EXOC6B: variants seen among roughly 807,000 people sequenced by gnomAD.
The protein encoded by EXOC6B is SEC15 homolog B.
A neutral mutation model predicts 113.5 loss-of-function variants in EXOC6B; 54 were observed. That is an observed-to-expected ratio of 0.48 (90% CI 0.38 to 0.60). The LOEUF (loss-of-function observed/expected upper bound fraction) is 0.60. Among genes scored for constraint, EXOC6B ranks in the 20% least tolerant of loss-of-function variants. The probability of loss-of-function intolerance (pLI) is 0.00; values close to 1 mark genes in which losing one functional copy is unlikely to be tolerated. For missense variants in EXOC6B, 797 were observed against 977.5 expected, an observed-to-expected ratio of 0.82 and a Z score of 2.46; for synonymous variants, 357 against 339.0, an observed-to-expected ratio of 1.05 and a Z score of -0.58.
chr2:72,681,113 A>G (rs1021744165), intron 6 of EXOC6B, among the ~76,000 whole-genome samples: 59 of 152,180 alleles, frequency 3.9e-4, no homozygotes, highest in Non-Finnish European at 6.9e-4. Flanking sequence ...TCTTTAATTT[A>G]ATATATAAAG....
At position 72,665,517 on chromosome 2, in the gene EXOC6B, T is replaced by C. The variant is rs149460539; in HGVS notation, c.669+52586A>G. ...AGCAGACCTCTCAGCAGAAACCTTA[T>C]AAGCCAAAAGAGATTGGAGGCCTAT... On this transcript the variant is annotated intron_variant, in intron 6 of 21. Coordinates refer to ENST00000272427, the MANE Select transcript of EXOC6B (RefSeq NM_015189.3). Among the ~76,000 whole-genome samples, 13 of 152,260 alleles carry C rather than the reference T, an allele frequency of 8.5e-5. No individual in the cohort carries two copies. In the East Asian group the frequency reaches 9.7e-4, roughly 11 times the overall value.
At chr2:72,521,644 T>C (rs747261071) in intron 8 of EXOC6B, among the ~76,000 whole-genome samples, 14 of 152,202 alleles carry the variant, frequency 9.2e-5, no homozygotes, top group Admixed American at 2.6e-4. Context: ...TTTATGCATC[T>C]AAAGTATTTT....
At chr2:72,680,363 A>G (rs777530774) in intron 6 of EXOC6B, among the ~76,000 whole-genome samples, 4 of 152,228 alleles carry the variant, frequency 2.6e-5, no homozygotes, top group Non-Finnish European at 5.9e-5. Context: ...CAATAAAAGT[A>G]TTAGCCCAAG....
chr2:72,429,902 G>A (rs1020087544), intron 18 of EXOC6B, among the ~76,000 whole-genome samples: 3 of 152,140 alleles, frequency 2.0e-5, no homozygotes, highest in Non-Finnish European at 2.9e-5. Context: ...CATTCTGTGG[G>A]CATTTAACAA....
chr2:72,206,078 T>A (rs947009026), intron 20 of EXOC6B, among the ~76,000 whole-genome samples: 9 of 152,138 alleles, frequency 5.9e-5, no homozygotes, highest in African/African-American at 2.2e-4. Flanking sequence ...GCAAGCCAGA[T>A]GGGCCAGGTA....
At chr2:72,213,632 G>A (rs560902102) in intron 20 of EXOC6B, among the ~76,000 whole-genome samples, 24 of 152,262 alleles carry the variant, frequency 1.6e-4, no homozygotes, top group Middle Eastern at 3.4e-3. Context: ...TGATCTAAAT[G>A]AGTGCATCTC....
chr2:72,302,486 A>G (rs1185496930), intron 20 of EXOC6B, among the ~76,000 whole-genome samples: 1 of 151,532 alleles, frequency 6.6e-6, no homozygotes, highest in East Asian at 1.9e-4. Flanking sequence ...TCTCTAAGAA[A>G]TTGCTTTATG....
At chr2:72,459,364 G>A (rs1388329443) in intron 18 of EXOC6B, among the ~76,000 whole-genome samples, 1 of 152,088 alleles carries the variant, frequency 6.6e-6, no homozygotes, top group Non-Finnish European at 1.5e-5. Context: ...GGGCAATTAG[G>A]CAGGAGAAGG....
At chr2:72,578,883 G>GT (rs1309738049) in intron 6 of EXOC6B, among the ~76,000 whole-genome samples, 2 of 152,008 alleles carry the variant, frequency 1.3e-5, no homozygotes, top group Non-Finnish European at 2.9e-5. Context: ...TAGAGTATAG[G>GT]TTATAAAGGA....
intron 6 of EXOC6B, among the ~76,000 whole-genome samples, chr2:72,631,428 A>G (rs10199592): frequency 0.5 from 22,625 of 44,906 alleles, 5,139 homozygotes; most frequent in African/African-American, 0.69. Context: ...GTGTGTGTGT[A>G]TATATATATA....
chr2:72,422,158 C>G (rs1441038663), intron 18 of EXOC6B, among the ~76,000 whole-genome samples: 3 of 152,230 alleles, frequency 2.0e-5, no homozygotes, highest in African/African-American at 7.2e-5. Flanking sequence ...CGAGCACCAC[C>G]CCCTGCTCCA....
At chr2:72,273,452 A>T (rs1684621724) in intron 20 of EXOC6B, among the ~76,000 whole-genome samples, 1 of 152,162 alleles carries the variant, frequency 6.6e-6, no homozygotes, top group African/African-American at 2.4e-5. Context: ...AGGCAAATAA[A>T]CACAGTATAG....
intron 20 of EXOC6B, among the ~76,000 whole-genome samples, chr2:72,195,340 T>C (rs1559004163): frequency 2.6e-5 from 4 of 152,282 alleles, no homozygotes; most frequent in Admixed American, 2.6e-4. Flanking sequence ...ATTATCACAC[T>C]GGCTGATAAT....
intron 18 of EXOC6B, among the ~76,000 whole-genome samples, chr2:72,385,587 G>C (rs1691966397): frequency 6.6e-6 from 1 of 151,896 alleles, no homozygotes; most frequent in Non-Finnish European, 1.5e-5. Flanking sequence ...CCTACAGAAT[G>C]GGGGAATATA....
intron 19 of EXOC6B, among the ~76,000 whole-genome samples, chr2:72,336,512 T>C (rs1688696107): frequency 2.4e-5 from 1 of 42,440 alleles, no homozygotes; most frequent in African/African-American, 9.8e-5. Context: ...AATTAAAATA[T>C]AGCACAGATG....
chr2:72,724,273 T>A (rs1362722743), intron 5 of EXOC6B, among the ~76,000 whole-genome samples: 1 of 152,148 alleles, frequency 6.6e-6, no homozygotes, highest in African/African-American at 2.4e-5. Context: ...ACAAGGCAGA[T>A]AAACATTCAA....
chr2:72,583,593 T>C (rs929545088), intron 6 of EXOC6B, among the ~76,000 whole-genome samples: 4 of 152,222 alleles, frequency 2.6e-5, no homozygotes, highest in African/African-American at 9.6e-5. Context: ...AAGAATTTGA[T>C]ATCCAGCCAA....
At chr2:72,495,151 T>C (rs1004902725) in intron 15 of EXOC6B, among the ~76,000 whole-genome samples, 2 of 152,068 alleles carry the variant, frequency 1.3e-5, no homozygotes, top group Non-Finnish European at 2.9e-5. Flanking sequence ...AGCCACTGCA[T>C]CCAGCCTACC....
chr2:72,698,039 C>T (rs1361441387), intron 6 of EXOC6B, among the ~76,000 whole-genome samples: 1 of 151,994 alleles, frequency 6.6e-6, no homozygotes, highest in Non-Finnish European at 1.5e-5. Context: ...AGAAGAAAAG[C>T]ATGTGGTGGT....
Sources: gnomAD v4.1 joint callset for allele counts (sites outside exome capture counted in the v4.1 genomes callset) on GRCh38, gnomAD v4.1.1 for gene constraint, MANE v1.5 for transcripts, NCBI Gene and HGNC (gene_info 2026-07-23, HGNC 2026-07-21) for gene names.